Variants in DNAH11 observed in about 807,000 individuals in gnomAD.
The protein encoded by DNAH11 is axonemal beta dynein heavy chain 11.
DNAH11 carries 442 observed loss-of-function variants against 526.0 expected under a neutral mutation model. The ratio of observed to expected loss-of-function variants is 0.84; its 90% CI spans 0.78 to 0.91. The LOEUF is 0.91. Ranked by LOEUF, DNAH11 falls within the 40% of genes least tolerant of loss-of-function variation. The pLI, the probability that DNAH11 is intolerant of heterozygous loss-of-function variation, is 0.00. For synonymous variants in DNAH11, 2,461 were observed against 1,935.9 expected (o/e 1.27, Z -7.12); for missense variants, 6,989 against 5,448.7 (o/e 1.28, Z -8.90).
intron 61 of DNAH11, among the ~76,000 whole-genome samples, chr7:21,791,008 C>T (rs986860199): frequency 3.9e-5 from 6 of 152,164 alleles, no homozygotes; most frequent in Non-Finnish European, 7.3e-5. Context: ...AAGCCACTGT[C>T]GTGAATCCTG....
intron 63 of DNAH11, among the ~76,000 whole-genome samples, chr7:21,808,391 C>T (rs188767655): frequency 6.6e-6 from 1 of 152,136 alleles, no homozygotes. Context: ...GTGTTAAGAA[C>T]ACTATAATTC....
intron 28 of DNAH11, among the ~76,000 whole-genome samples, chr7:21,640,779 A>G (rs990029081): frequency 6.6e-6 from 1 of 152,138 alleles, no homozygotes; most frequent in African/African-American, 2.4e-5. Context: ...GGAAATTTCC[A>G]TCTCATCTCC....
chr7:21,624,153 G>A (rs748637970), intron 25 of DNAH11, among the ~76,000 whole-genome samples: 11 of 151,994 alleles, frequency 7.2e-5, no homozygotes, highest in Non-Finnish European at 1.0e-4. Context: ...ACAATAGCAG[G>A]TAGTGTGAAC....
intron 30 of DNAH11, among the ~76,000 whole-genome samples, chr7:21,666,041 A>G (rs1394301863): frequency 6.6e-6 from 1 of 152,170 alleles, no homozygotes; most frequent in Non-Finnish European, 1.5e-5. Flanking sequence ...CATTTAAAAT[A>G]GCTTAATTTT....
chr7:21,683,839 A>G lies in DNAH11; in HGVS notation c.5516A>G (p.Asp1839Gly). The G allele has an allele frequency of 6.2e-7, 1 of 1,613,302 alleles. No individual in the cohort carries two copies. The highest frequency in any genetic ancestry group is 1.1e-5 in the South Asian group (1 of 90,902). ...TCTCAACTTCGTCACCGATGGGAGG[A>G]TACCCAGAAACACTGCTTTGTTAAT... is the stretch of plus-strand genomic sequence containing the variant. ...WLSQLRHRWE[D>G]TQKHCFVNIC... Residue 1839 changes from aspartate (D) to glycine (G), a missense_variant, in exon 32 of 82, where the codon GAT becomes GGT. Asp to Gly is a moderately conservative substitution (Grantham distance 94, BLOSUM62 -1). Coordinates refer to ENST00000409508, the MANE Select transcript of DNAH11 (RefSeq NM_001277115.2).
intron 42 of DNAH11, among the ~76,000 whole-genome samples, chr7:21,715,246 TAA>T: frequency 6.6e-6 from 1 of 152,290 alleles, no homozygotes; most frequent in East Asian, 1.9e-4. Flanking sequence ...GAGTAATAAA[TAA>T]AAAGTTTTCA....
chr7:21,711,549 G>C (rs563540329), intron 41 of DNAH11, among the ~76,000 whole-genome samples, 163 bp from the exon 42 acceptor site: 9 of 152,310 alleles, frequency 5.9e-5, no homozygotes, highest in Non-Finnish European at 1.0e-4. Context: ...GGGTCAGTCA[G>C]GTCATCTCAG....
chr7:21,744,287 C>A, intron 49 of DNAH11, 151 bp from the exon 50 acceptor site: 1 of 909,036 alleles, frequency 1.1e-6, no homozygotes, highest in South Asian at 1.7e-5. Flanking sequence ...AAAGAGTAAA[C>A]CTACTTTTAT....
chr7:21,596,734 GA>G (rs1329335669), intron 14 of DNAH11, among the ~76,000 whole-genome samples: 1 of 152,148 alleles, frequency 6.6e-6, no homozygotes, highest in Non-Finnish European at 1.5e-5. Flanking sequence ...AAAAATGTTA[GA>G]ATTTTTTGTA....
intron 45 of DNAH11, among the ~76,000 whole-genome samples, chr7:21,727,169 G>C (rs1023362417): frequency 1.3e-5 from 2 of 151,744 alleles, no homozygotes; most frequent in Admixed American, 6.6e-5. Flanking sequence ...TCCTGACCTC[G>C]TGATCCGCCC....
At chr7:21,834,717 A>T (rs928657548) in intron 65 of DNAH11, among the ~76,000 whole-genome samples, 3 of 152,132 alleles carry the variant, frequency 2.0e-5, no homozygotes, top group Admixed American at 6.5e-5. Context: ...ATAGTGATGC[A>T]TGCCTGTAGC....
chr7:21,786,548 G>A lies in DNAH11; in HGVS notation c.9598-76G>A. ...AGAAGTGGGAGTCCACTAAAGCCTT[G>A]CTTGGCAACTTACAGAGCTTCTCCA... On this transcript the variant is annotated intron_variant, in intron 58 of 81. Transcript: ENST00000409508. 1.3e-5 allele frequency: 19 copies of A among 1,501,660 alleles called. 1 individual carries two copies. In the South Asian group the frequency reaches 2.7e-4, roughly 21 times the overall value. 93.0% of individuals were successfully genotyped at this position (1,501,660 alleles called of 1,614,324 possible).
In DNAH11 at chr7:21,765,597, G is replaced by C. The variant is rs72657374; in HGVS notation, c.9102+8G>C. 1 of 1,548,756 alleles carries C rather than the reference G, an allele frequency of 6.5e-7. No individual in the cohort carries two copies. Among genetic ancestry groups the C allele is most frequent in the African/African-American group, 1.4e-5 (1 of 71,806 alleles). ...GAAACCAAGGGAATTGAGGTATGCC[G>C]TGTCAGCCTGCGTCACACACACACA... is the stretch of plus-strand genomic sequence containing the variant. On this transcript the variant is annotated splice_region_variant and intron_variant, in intron 55 of 81. Coordinates refer to ENST00000409508, the MANE Select transcript of DNAH11 (RefSeq NM_001277115.2).
At chr7:21,725,251 T>C (rs903379457) in intron 44 of DNAH11, among the ~76,000 whole-genome samples, 2 of 152,134 alleles carry the variant, frequency 1.3e-5, no homozygotes, top group Non-Finnish European at 2.9e-5. Flanking sequence ...TTCCTCCATC[T>C]CTCATGGCAG....
Position 21,712,847 on chromosome 7 carries a change from ATTAAC to A in DNAH11, c.6983+991_6983+995del, listed in dbSNP as rs554344324. ...AACTAATTAGGCTAATTAAAAGTTA[ATTAAC>A]TTAGCACTGGAATGCCTTTGTCATT... On this transcript the variant is annotated intron_variant, in intron 42 of 81. Transcript: ENST00000409508. Among the ~76,000 whole-genome samples, 272 of 152,364 alleles carry A rather than the reference ATTAAC, an allele frequency of 1.8e-3. 1 individual carries two copies. The highest frequency in any genetic ancestry group is 6.3e-3 in the African/African-American group (260 of 41,594).
chr7:21,571,746 A>G, intron 7 of DNAH11, 60 bp from the exon 8 acceptor site: 1 of 1,300,260 alleles, frequency 7.7e-7, no homozygotes. Context: ...TTGATTTGAA[A>G]CTTTAAAATA....
intron 25 of DNAH11, among the ~76,000 whole-genome samples, chr7:21,625,369 T>C (rs1368481431): frequency 6.6e-6 from 1 of 152,156 alleles, no homozygotes; most frequent in Non-Finnish European, 1.5e-5. Flanking sequence ...ATAACTCTTC[T>C]TTCATTTCTG....
chr7:21,577,133 G>A lies in DNAH11; in HGVS notation c.1594-4772G>A, dbSNP rs1766581917. Among the ~76,000 whole-genome samples, 4 of 152,176 alleles carry A rather than the reference G, an allele frequency of 2.6e-5. No homozygotes were observed. The South Asian group carries it at 8.3e-4, about 32-fold the overall frequency. ...TTGGAGCTGAAAACACTGGCAACCA[G>A]GAAATGCCAGTGGGCACAGACCAGA... On this transcript the variant is annotated intron_variant, in intron 8 of 81. Transcript: ENST00000409508.
At chr7:21,872,889 T>G (rs1407950033) in intron 73 of DNAH11, among the ~76,000 whole-genome samples, 2 of 152,190 alleles carry the variant, frequency 1.3e-5, no homozygotes, top group Non-Finnish European at 2.9e-5. Flanking sequence ...CTTTTAGTTT[T>G]CATATTTTCT....
Sources: allele counts gnomAD v4.1 joint callset (sites outside exome capture counted in the v4.1 genomes callset), GRCh38; gene constraint gnomAD v4.1.1; transcripts MANE v1.5; gene names NCBI Gene and HGNC (gene_info 2026-07-23, HGNC 2026-07-21).